The following JTB variants were observed in gnomAD, a reference collection of about 807,000 sequenced individuals.
The protein encoded by JTB is protein JTB.
A neutral mutation model predicts 22.1 loss-of-function variants in JTB; 10 were observed. The ratio of observed to expected loss-of-function variants is 0.45; its 90% CI spans 0.28 to 0.77. JTB has a LOEUF of 0.77. JTB is among the 30% of genes least tolerant of loss of function. The probability of loss-of-function intolerance (pLI) is 0.13; values close to 1 mark genes in which losing one functional copy is unlikely to be tolerated. For missense variants in JTB, 137 were observed against 180.3 expected (o/e 0.76, Z 1.38); for synonymous variants, 83 against 66.8 (o/e 1.24, Z -1.18).
intron 3 of JTB, among the ~76,000 whole-genome samples, chr1:153,976,206 A>G (rs1304523802): frequency 6.6e-6 from 1 of 152,226 alleles, no homozygotes; most frequent in African/African-American, 2.4e-5. Flanking sequence ...GCTCACGCCT[A>G]TAATCCCAGC....
At position 153,974,448 on chromosome 1, in the gene JTB, G is replaced by A; in HGVS notation, c.*231C>T. On this transcript the variant is annotated 3_prime_UTR_variant, in exon 5 of 5. Transcript: ENST00000271843. ...AAGACTTGGTAGATTGGGGCCTTAAGTAACCACCTCCTTTCCCTCTCTGCC... is the reference window on the plus strand; with the variant it reads ...AAGACTTGGTAGATTGGGGCCTTAAATAACCACCTCCTTTCCCTCTCTGCC... 2.3e-6 allele frequency: 1 copy of A among 435,482 alleles called. No homozygotes were observed. The highest frequency in any genetic ancestry group is 5.2e-5 in the South Asian group (1 of 19,284). The allele number at this position is 435,482 out of a possible 1,614,324, so 27.0% of individuals were successfully genotyped here. A position where few individuals can be genotyped will look rare whatever the true frequency, so the allele number is the denominator to read the frequency against.
rs565682156 is a variant in JTB at position 153,977,377 on chromosome 1, A to C, written c.-125T>G. 6.8e-7 allele frequency: 1 copy of C among 1,464,848 alleles called. No homozygotes were observed. Among genetic ancestry groups the C allele is most frequent in the East Asian group, 2.4e-5 (1 of 41,122 alleles). The allele number at this position is 1,464,848 out of a possible 1,614,324, so 90.7% of individuals were successfully genotyped here. A position where few individuals can be genotyped will look rare whatever the true frequency, so the allele number is the denominator to read the frequency against. On this transcript the variant is annotated 5_prime_UTR_variant, in exon 1 of 5. Coordinates refer to ENST00000271843, the MANE Select transcript of JTB (RefSeq NM_006694.4). ...CAGAGGTTCCAGGTCAGGGCAGGGA[A>C]GGCCGGAGTTGCCTATTGGAGCAGA...
rs1345062028 is a variant in JTB, at chr1:153,977,517, G to A, written c.-265C>T. 8 of 1,184,216 alleles carry A rather than the reference G, an allele frequency of 6.8e-6. No individual in the cohort carries two copies. Among genetic ancestry groups the A allele is most frequent in the Non-Finnish European group, 7.4e-6 (7 of 952,072 alleles). The allele number at this position is 1,184,216 out of a possible 1,614,324, so 73.4% of individuals were successfully genotyped here. A position where few individuals can be genotyped will look rare whatever the true frequency, so the allele number is the denominator to read the frequency against. On this transcript the variant is annotated 5_prime_UTR_variant, in exon 1 of 5. Transcript: ENST00000271843. ...AGGGCGCTGGAGGAAGGGCCGGCGG[G>A]GGCTCGCGGCCCTAGCGCCCGCTCA...
At position 153,974,587 on chromosome 1, in the gene JTB, G is replaced by A. The variant is rs1395490458; in HGVS notation, c.*92C>T. On this transcript the variant is annotated 3_prime_UTR_variant, in exon 5 of 5. Transcript: ENST00000271843. ...GGGGAAAAGGGGATTCCACCACAAGGCTCCAAAGAACCAAGAGTGCAAATC... is the reference window on the plus strand; with the variant it reads ...GGGGAAAAGGGGATTCCACCACAAGACTCCAAAGAACCAAGAGTGCAAATC... 1 of 1,062,626 alleles carries A rather than the reference G, an allele frequency of 9.4e-7. No individual in the cohort carries two copies. The highest frequency in any genetic ancestry group is 1.4e-6 in the Non-Finnish European group (1 of 726,400). The allele number at this position is 1,062,626 out of a possible 1,614,324, so 65.8% of individuals were successfully genotyped here. A position where few individuals can be genotyped will look rare whatever the true frequency, so the allele number is the denominator to read the frequency against.
rs2102181821 is a variant in JTB at position 153,974,516 on chromosome 1, T to C, written c.*163A>G. On this transcript the variant is annotated 3_prime_UTR_variant, in exon 5 of 5. Coordinates refer to ENST00000271843, the MANE Select transcript of JTB (RefSeq NM_006694.4). Reference sequence around the variant, plus strand: ...CAAGTTACAGAAGGGAAGGAAACCATTTTACTCTTTTTATTCTGCTCATTA... The same window carrying C: ...CAAGTTACAGAAGGGAAGGAAACCACTTTACTCTTTTTATTCTGCTCATTA... 1 of 564,450 alleles carries C rather than the reference T, an allele frequency of 1.8e-6. No individual in the cohort carries two copies. Among genetic ancestry groups the C allele is most frequent in the East Asian group, 2.9e-5 (1 of 34,746 alleles). 35.0% of individuals were successfully genotyped at this position (564,450 alleles called of 1,614,324 possible).
At chr1:153,976,671 G>A (rs766407086) in intron 3 of JTB, 22 bp downstream of exon 3, 31 of 1,545,388 alleles carry the variant, frequency 2.0e-5, no homozygotes, top group Non-Finnish European at 2.2e-5. Context: ...AAAAAAAAAA[G>A]GGTAGAGAAA....
chr1:153,977,203 C>A lies in JTB; in HGVS notation c.50G>T (p.Cys17Phe). ...TAAGGTGAAAGCACAGAGCAACCAG[C>A]AGAGGTGGCGGCCCTGGGGGAGGCC... ...RPGLPQGRHL[C>F]WLLCAFTLKL... The change falls in exon 1 of 5, where the codon TGC (cysteine) becomes TTC (phenylalanine). Residue 17 changes from cysteine to phenylalanine, a missense_variant. Transcript: ENST00000271843. The A allele has an allele frequency of 6.2e-7, 1 of 1,614,220 alleles. No individual in the cohort carries two copies. Among genetic ancestry groups the A allele is most frequent in the Non-Finnish European group, 8.5e-7 (1 of 1,180,032 alleles).
Position 153,977,499 on chromosome 1 carries a change from TG to T in JTB, c.-248del. ...GCCTTCTGCGGGGTCCGCAGGGCGC[TG>T]GAGGAAGGGCCGGCGGGGGCTCGCG... On this transcript the variant is annotated 5_prime_UTR_variant, in exon 1 of 5. Transcript: ENST00000271843. 1 of 1,213,918 alleles carries T rather than the reference TG, an allele frequency of 8.2e-7. No individual in the cohort carries two copies. The highest frequency in any genetic ancestry group is 1.0e-6 in the Non-Finnish European group (1 of 970,574). 75.2% of individuals were successfully genotyped at this position (1,213,918 alleles called of 1,614,324 possible). A position where few individuals can be genotyped will look rare whatever the true frequency, so the allele number is the denominator to read the frequency against.
rs1441850223 is a variant in JTB, at chr1:153,977,436, G to C, written c.-184C>G. The C allele has an allele frequency of 1.4e-5, 19 of 1,377,278 alleles. No individual in the cohort carries two copies. Among genetic ancestry groups the C allele is most frequent in the Non-Finnish European group, 1.6e-5 (17 of 1,068,924 alleles). 85.3% of individuals were successfully genotyped at this position (1,377,278 alleles called of 1,614,324 possible). A position where few individuals can be genotyped will look rare whatever the true frequency, so the allele number is the denominator to read the frequency against. ...CAGGACGTCCCCGTTGCCACAGCGA[G>C]AAAAATCGATATGTTTTTGCGGGCT... On this transcript the variant is annotated 5_prime_UTR_variant, in exon 1 of 5. Transcript: ENST00000271843.
chr1:153,977,598 G>T lies in JTB; in HGVS notation c.-346C>A. On this transcript the variant is annotated 5_prime_UTR_variant, in exon 1 of 5. Coordinates refer to ENST00000271843, the MANE Select transcript of JTB (RefSeq NM_006694.4). ...AGCCCCGTGGAGGATCCTCGGGCGC[G>T]GGACCGAGCTCGGGGCCCGGTGTTC... 2.9e-6 allele frequency: 3 copies of T among 1,031,170 alleles called. No individual in the cohort carries two copies. Among genetic ancestry groups the T allele is most frequent in the Non-Finnish European group, 2.3e-6 (2 of 858,676 alleles). The allele number at this position is 1,031,170 out of a possible 1,614,324, so 63.9% of individuals were successfully genotyped here. A position where few individuals can be genotyped will look rare whatever the true frequency, so the allele number is the denominator to read the frequency against.
At chr1:153,976,632 T>C in intron 3 of JTB, 61 bp downstream of exon 3, 2 of 1,335,686 alleles carry the variant, frequency 1.5e-6, no homozygotes, top group Non-Finnish European at 2.1e-6. Flanking sequence ...GATGTTAAGA[T>C]GTTGCTTAAG....
chr1:153,974,974 T>C lies in JTB; in HGVS notation c.285-139A>G, dbSNP rs560424422. ...TTCTATTGTGTGTATAGTACATAAA[T>C]CCCTCTCAAATAGATCATTTAATTT... On this transcript the variant is annotated intron_variant, in intron 4 of 4. Transcript: ENST00000271843. The C allele has an allele frequency of 8.0e-6, 6 of 752,452 alleles. No homozygotes were observed. The African/African-American group carries it at 8.7e-5, about 11-fold the overall frequency. The allele number at this position is 752,452 out of a possible 1,614,324, so 46.6% of individuals were successfully genotyped here.
chr1:153,974,497 A>T lies in JTB; in HGVS notation c.*182T>A. 2.0e-6 allele frequency: 1 copy of T among 501,512 alleles called. No homozygotes were observed. The highest frequency in any genetic ancestry group is 3.4e-6 in the Non-Finnish European group (1 of 290,968). The allele number at this position is 501,512 out of a possible 1,614,324, so 31.1% of individuals were successfully genotyped here. A position where few individuals can be genotyped will look rare whatever the true frequency, so the allele number is the denominator to read the frequency against. On this transcript the variant is annotated 3_prime_UTR_variant, in exon 5 of 5. Coordinates refer to ENST00000271843, the MANE Select transcript of JTB (RefSeq NM_006694.4). Reference sequence around the variant, plus strand: ...CCCCCATGACTTCCTGCTCCAAGTTACAGAAGGGAAGGAAACCATTTTACT... The same window carrying T: ...CCCCCATGACTTCCTGCTCCAAGTTTCAGAAGGGAAGGAAACCATTTTACT...
At chr1:153,976,296 AC>A (rs1325536253) in intron 3 of JTB, among the ~76,000 whole-genome samples, 3 of 152,220 alleles carry the variant, frequency 2.0e-5, no homozygotes, top group Admixed American at 1.3e-4. Context: ...ACCCGAGTCT[AC>A]TAAAAATACA....
chr1:153,977,156 T>C lies in JTB; in HGVS notation c.83+14A>G, dbSNP rs779119026. The C allele has an allele frequency of 6.2e-7, 1 of 1,614,066 alleles. No homozygotes were observed. The highest frequency in any genetic ancestry group is 1.7e-5 in the Admixed American group (1 of 60,026). On this transcript the variant is annotated intron_variant, in intron 1 of 4. Transcript: ENST00000271843. ...CCAGTGACCTCCTTTTCCCTCCCCT[T>C]ACCTCCTCCTTACCAGAGCTTTAAG...
chr1:153,974,792 C>A lies in JTB; in HGVS notation c.328G>T (p.Glu110Ter). 1 of 1,611,856 alleles carries A rather than the reference C, an allele frequency of 6.2e-7. No individual in the cohort carries two copies. The highest frequency in any genetic ancestry group is 8.5e-7 in the Non-Finnish European group (1 of 1,178,162). Residue 110 changes from glutamate (E) to a stop codon, truncating the protein, a stop_gained, in exon 5 of 5, where the codon GAA becomes TAA. Coordinates refer to ENST00000271843, the MANE Select transcript of JTB (RefSeq NM_006694.4). LOFTEE classifies it high-confidence loss of function. ...LMEQRLFWKFEGAVVCVALIF... is the reference protein window; with the variant it reads ...LMEQRLFWKF ...AGGGCCACACACACGACAGCCCCTT[C>A]GAACTTCCAAAATAAGCGTTGTTCC...
rs1648842486 is a variant in JTB, at chr1:153,977,553, C to T, written c.-301G>A. 9.0e-7 allele frequency: 1 copy of T among 1,115,870 alleles called. No individual in the cohort carries two copies. The highest frequency in any genetic ancestry group is 4.9e-5 in the Admixed American group (1 of 20,540). The allele number at this position is 1,115,870 out of a possible 1,614,324, so 69.1% of individuals were successfully genotyped here. On this transcript the variant is annotated 5_prime_UTR_variant, in exon 1 of 5. Transcript: ENST00000271843. ...CCTAGCGCCCGCTCACCTCCGCTCC[C>T]GCCCCCGACGCAGCCATCTAGCCCC...
chr1:153,976,038 G>A (rs1296020753), intron 3 of JTB, 133 bp from the exon 4 acceptor site: 1 of 656,988 alleles, frequency 1.5e-6, no homozygotes. Flanking sequence ...TAATGAAAGA[G>A]TTCTGATGCG....
chr1:153,975,586 A>G (rs1250849003), intron 4 of JTB, among the ~76,000 whole-genome samples: 2 of 151,642 alleles, frequency 1.3e-5, no homozygotes, highest in African/African-American at 4.9e-5. Context: ...ACACCAGCTA[A>G]TTTTTGTATT....
Sources: allele counts gnomAD v4.1 joint callset (sites outside exome capture counted in the v4.1 genomes callset), GRCh38; gene constraint gnomAD v4.1.1; transcripts MANE v1.5; gene names NCBI Gene and HGNC (gene_info 2026-07-23, HGNC 2026-07-21).